The following PRELID2 variants were observed in gnomAD, a reference collection of about 807,000 sequenced individuals.
PRELID2 encodes PRELI domain containing 2.
In PRELID2, 25 loss-of-function variants were observed where a neutral mutation model predicts 28.4. The observed-to-expected ratio is 0.88, with a 90% CI of 0.64 to 1.23. The LOEUF (loss-of-function observed/expected upper bound fraction) is 1.23, where lower values mean the gene tolerates loss of function less well. Ranked by LOEUF, PRELID2 falls within the 50% of genes most tolerant of loss-of-function variation. The pLI is 0.00. For missense variants in PRELID2, 201 were observed against 214.4 expected (o/e 0.94, Z 0.39); for synonymous variants, 76 against 71.6 (o/e 1.06, Z -0.31).
chr5:145,456,235 T>G, the PRELID2 span, among the ~76,000 whole-genome samples: 1 of 152,250 alleles, frequency 6.6e-6, no homozygotes, highest in Non-Finnish European at 1.5e-5. Flanking sequence ...ACTTTGTTAA[T>G]GACAGGGGCA....
chr5:145,685,640 G>C (rs1755024306), intron 1 of PRELID2, among the ~76,000 whole-genome samples: 1 of 151,746 alleles, frequency 6.6e-6, no homozygotes, highest in African/African-American at 2.4e-5. Flanking sequence ...TATGAGTGTA[G>C]AGAGGGAAGT....
At chr5:145,827,987 G>A (rs1755308351) in intron 1 of PRELID2, among the ~76,000 whole-genome samples, 1 of 152,000 alleles carries the variant, frequency 6.6e-6, no homozygotes. Context: ...CTGGAAAAAA[G>A]TATGTGGGAA....
At chr5:145,490,279 A>G (rs1326292121) in intron 1 of PRELID2, among the ~76,000 whole-genome samples, 1 of 152,294 alleles carries the variant, frequency 6.6e-6, no homozygotes, top group East Asian at 1.9e-4. Context: ...CCAGAAGCTC[A>G]GTCTATTTAA....
chr5:145,446,088 A>C, the PRELID2 span, among the ~76,000 whole-genome samples: 1 of 152,066 alleles, frequency 6.6e-6, no homozygotes, highest in African/African-American at 2.4e-5. Flanking sequence ...TATAGTTAAC[A>C]ATAATATATT....
At chr5:145,296,015 T>C in the PRELID2 span, among the ~76,000 whole-genome samples, 2 of 151,806 alleles carry the variant, frequency 1.3e-5, no homozygotes, top group Non-Finnish European at 2.9e-5. Context: ...CCAGACAAAA[T>C]ATAGGGAAGT....
At chr5:145,697,076 TATATAC>T (rs1436456543) in intron 1 of PRELID2, among the ~76,000 whole-genome samples, 15 of 110,420 alleles carry the variant, frequency 1.4e-4, no homozygotes, top group African/African-American at 2.8e-4. Context: ...TATATATATA[TATATAC>T]ACACACACAC....
intron 1 of PRELID2, among the ~76,000 whole-genome samples, chr5:145,711,844 G>A (rs1291967615): frequency 1.3e-5 from 2 of 152,218 alleles, no homozygotes; most frequent in African/African-American, 4.8e-5. Context: ...GGGGCACAGA[G>A]AGCCAGGGGC....
the PRELID2 span, among the ~76,000 whole-genome samples, chr5:145,322,178 GGTTAACC>G: frequency 6.6e-6 from 1 of 152,148 alleles, no homozygotes; most frequent in Non-Finnish European, 1.5e-5. Flanking sequence ...CTGAGAATAA[GGTTAACC>G]ATAATACATC....
the PRELID2 span, among the ~76,000 whole-genome samples, chr5:145,281,795 G>C: frequency 6.6e-6 from 1 of 152,160 alleles, no homozygotes; most frequent in African/African-American, 2.4e-5. Flanking sequence ...ATCCAAATTA[G>C]AATTGTATGG....
intron 4 of PRELID2, among the ~76,000 whole-genome samples, chr5:145,812,976 T>C (rs1451475804): frequency 6.6e-6 from 1 of 152,190 alleles, no homozygotes; most frequent in Non-Finnish European, 1.5e-5. Context: ...ACTGTAGAGA[T>C]GTCAGTGGGA....
At chr5:145,337,604 G>A in the PRELID2 span, among the ~76,000 whole-genome samples, 1 of 150,050 alleles carries the variant, frequency 6.7e-6, no homozygotes, top group East Asian at 2.0e-4. Flanking sequence ...ATAGAACTCA[G>A]GTAAACACAT....
chr5:145,788,838 C>T (rs572952828), intron 5 of PRELID2, among the ~76,000 whole-genome samples: 9 of 151,984 alleles, frequency 5.9e-5, no homozygotes, highest in Non-Finnish European at 1.3e-4. Flanking sequence ...AATCAACATA[C>T]AAAAATCAGT....
the PRELID2 span, among the ~76,000 whole-genome samples, chr5:145,319,720 T>G: frequency 6.7e-6 from 1 of 149,162 alleles, no homozygotes; most frequent in Non-Finnish European, 1.5e-5. Context: ...AATAAATAAA[T>G]AAATAAATAA....
At chr5:145,385,264 C>T in the PRELID2 span, among the ~76,000 whole-genome samples, 3 of 152,130 alleles carry the variant, frequency 2.0e-5, no homozygotes, top group Non-Finnish European at 4.4e-5. Flanking sequence ...ATGTTCCTTT[C>T]CCGAAGGACT....
the PRELID2 span, among the ~76,000 whole-genome samples, chr5:145,317,931 G>T: frequency 6.6e-6 from 1 of 152,080 alleles, no homozygotes; most frequent in Non-Finnish European, 1.5e-5. Flanking sequence ...TCACTATAAT[G>T]ATAATAATAA....
At chr5:145,268,731 T>A in the PRELID2 span, among the ~76,000 whole-genome samples, 2 of 152,002 alleles carry the variant, frequency 1.3e-5, no homozygotes, top group Non-Finnish European at 1.5e-5. Context: ...AGTATAAAGG[T>A]TGAAATAAAA....
the PRELID2 span, among the ~76,000 whole-genome samples, chr5:145,377,674 C>G: frequency 1.3e-5 from 2 of 152,034 alleles, no homozygotes; most frequent in Non-Finnish European, 2.9e-5. Context: ...TTGTCAGAAA[C>G]TAGGATTGCA....
intron 1 of PRELID2, among the ~76,000 whole-genome samples, chr5:145,715,528 C>T (rs1037919727): frequency 5.9e-5 from 9 of 152,190 alleles, no homozygotes; most frequent in Admixed American, 5.9e-4. Context: ...ACTTAAAAAT[C>T]ATCCAATGCT....
At chr5:145,470,437 C>T (rs945566183), downstream of PRELID2, among the ~76,000 whole-genome samples, 2 of 151,812 alleles carry the variant, frequency 1.3e-5, no homozygotes, top group Non-Finnish European at 2.9e-5. Flanking sequence ...TTACCGAATA[C>T]TTACTCTGTA....
Sources: gnomAD v4.1 joint callset for allele counts (sites outside exome capture counted in the v4.1 genomes callset) on GRCh38, gnomAD v4.1.1 for gene constraint, MANE v1.5 for transcripts, NCBI Gene and HGNC (gene_info 2026-07-23, HGNC 2026-07-21) for gene names.